MECOM: variants seen among roughly 807,000 people sequenced by gnomAD.
The protein encoded by MECOM is histone-lysine N-methyltransferase MECOM.
In MECOM, 13 loss-of-function variants were observed where a neutral mutation model predicts 116.3. The ratio of observed to expected loss-of-function variants is 0.11; its 90% CI spans 0.07 to 0.18. The LOEUF (loss-of-function observed/expected upper bound fraction) is 0.18. MECOM is among the 10% of genes least tolerant of loss of function. MECOM has a pLI of 1.00. For missense variants in MECOM, 1,299 were observed against 1,509.0 expected, an observed-to-expected ratio of 0.86 and a Z score of 2.31; for synonymous variants, 528 against 535.2, an observed-to-expected ratio of 0.99 and a Z score of 0.19.
intron 2 of MECOM, among the ~76,000 whole-genome samples, chr3:169,292,631 C>T (rs1418424516): frequency 5.9e-5 from 9 of 152,106 alleles, no homozygotes; most frequent in Non-Finnish European, 8.8e-5. Flanking sequence ...TGAAAAGGCT[C>T]ACAGGGCCAC....
intron 1 of MECOM, among the ~76,000 whole-genome samples, chr3:169,642,406 C>T (rs1355495061): frequency 6.7e-6 from 1 of 149,396 alleles, no homozygotes; most frequent in Non-Finnish European, 1.5e-5. Context: ...GAGATCGCGC[C>T]ACTGCCCTCC....
intron 2 of MECOM, among the ~76,000 whole-genome samples, chr3:169,302,073 T>C (rs563741313): frequency 2.4e-4 from 36 of 152,314 alleles, no homozygotes; most frequent in African/African-American, 8.2e-4. Flanking sequence ...TTATCAAATA[T>C]GAAGAGAGTT....
chr3:169,224,978 T>A (rs1752561589), intron 2 of MECOM, among the ~76,000 whole-genome samples: 1 of 152,204 alleles, frequency 6.6e-6, no homozygotes. Context: ...TTTAAAAAAA[T>A]TCACAAAGTC....
At chr3:169,198,574 C>A (rs546979087) in intron 2 of MECOM, among the ~76,000 whole-genome samples, 1 of 152,126 alleles carries the variant, frequency 6.6e-6, no homozygotes, top group Admixed American at 6.6e-5. Context: ...AGCATCTCTT[C>A]TTTTATTTAA....
intron 1 of MECOM, among the ~76,000 whole-genome samples, chr3:169,616,368 TAG>T (rs1560497745): frequency 6.6e-6 from 1 of 152,138 alleles, no homozygotes; most frequent in Non-Finnish European, 1.5e-5. Context: ...TGGTTGGAGA[TAG>T]AGTCTTGCTC....
intron 1 of MECOM, among the ~76,000 whole-genome samples, chr3:169,421,763 C>T (rs982386513): frequency 6.6e-6 from 1 of 151,844 alleles, no homozygotes; most frequent in Admixed American, 6.6e-5. Flanking sequence ...GAAGATATCA[C>T]TGCTCAGGCT....
At chr3:169,450,736 C>T (rs548807695) in intron 1 of MECOM, among the ~76,000 whole-genome samples, 1 of 152,246 alleles carries the variant, frequency 6.6e-6, no homozygotes, top group East Asian at 1.9e-4. Flanking sequence ...TGGCCAATCT[C>T]CCTACTTCCT....
At chr3:169,462,452 G>A (rs1747609590) in intron 1 of MECOM, among the ~76,000 whole-genome samples, 2 of 152,190 alleles carry the variant, frequency 1.3e-5, no homozygotes. Flanking sequence ...CTCTCTGAGA[G>A]CAAGGAGTGA....
chr3:169,655,216 G>A (rs116693567), intron 1 of MECOM, among the ~76,000 whole-genome samples: 2,491 of 152,022 alleles, frequency 0.016, 60 homozygotes, highest in African/African-American at 0.057. Flanking sequence ...CACCATCCCC[G>A]CCACTCCCTC....
intron 2 of MECOM, among the ~76,000 whole-genome samples, chr3:169,225,510 C>T (rs1333064850): frequency 6.6e-6 from 1 of 152,214 alleles, no homozygotes; most frequent in East Asian, 1.9e-4. Context: ...ACACCCTACA[C>T]CAAATTCAAA....
intron 2 of MECOM, among the ~76,000 whole-genome samples, chr3:169,244,396 A>G (rs1755299405): frequency 6.6e-6 from 1 of 152,210 alleles, no homozygotes; most frequent in Non-Finnish European, 1.5e-5. Flanking sequence ...ACATCTGTGC[A>G]TCACATTTGC....
chr3:169,298,560 A>C (rs1295752323), intron 2 of MECOM, among the ~76,000 whole-genome samples: 1 of 152,150 alleles, frequency 6.6e-6, no homozygotes, highest in Non-Finnish European at 1.5e-5. Flanking sequence ...ATTCAAATCA[A>C]AGATTGAATT....
chr3:169,523,823 A>G (rs1375846434), intron 1 of MECOM, among the ~76,000 whole-genome samples: 1 of 151,542 alleles, frequency 6.6e-6, no homozygotes, highest in Non-Finnish European at 1.5e-5. Context: ...ATATATACAC[A>G]CATATATATA....
At chr3:169,575,108 T>A (rs1030325878) in intron 1 of MECOM, among the ~76,000 whole-genome samples, 3 of 152,146 alleles carry the variant, frequency 2.0e-5, no homozygotes, top group African/African-American at 7.2e-5. Flanking sequence ...GGGAAAAATA[T>A]ACCTGTTGCT....
At chr3:169,233,603 C>T (rs906611700) in intron 2 of MECOM, among the ~76,000 whole-genome samples, 1 of 152,124 alleles carries the variant, frequency 6.6e-6, no homozygotes, top group African/African-American at 2.4e-5. Context: ...TCCATACACA[C>T]ACAACTAATT....
At chr3:169,185,216 G>A (rs1746543641) in intron 2 of MECOM, among the ~76,000 whole-genome samples, 1 of 152,150 alleles carries the variant, frequency 6.6e-6, no homozygotes, top group Admixed American at 6.5e-5. Flanking sequence ...GGAGAATCAA[G>A]GACAGGAAGA....
At chr3:169,177,582 A>G (rs1745350324) in intron 2 of MECOM, among the ~76,000 whole-genome samples, 1 of 152,138 alleles carries the variant, frequency 6.6e-6, no homozygotes, top group Non-Finnish European at 1.5e-5. Flanking sequence ...TGTATCCGAG[A>G]ACTTAAAGTA....
At chr3:169,088,502 T>G (rs1718596045) in intron 16 of MECOM, among the ~76,000 whole-genome samples, 1 of 152,186 alleles carries the variant, frequency 6.6e-6, no homozygotes, top group African/African-American at 2.4e-5. Context: ...GGCAACTCAC[T>G]TCCTTTCTGA....
chr3:169,619,280 A>AG (rs1319825005), intron 1 of MECOM, among the ~76,000 whole-genome samples: 1 of 152,152 alleles, frequency 6.6e-6, no homozygotes, highest in Admixed American at 6.5e-5. Context: ...CCGAGGAGAG[A>AG]GCCAGGGGAG....
Sources: gnomAD v4.1 joint callset for allele counts (sites outside exome capture counted in the v4.1 genomes callset) on GRCh38, gnomAD v4.1.1 for gene constraint, MANE v1.5 for transcripts, NCBI Gene and HGNC (gene_info 2026-07-23, HGNC 2026-07-21) for gene names.